Variants in MGAT4C observed in about 807,000 individuals in gnomAD.
MGAT4C encodes alpha-1,3-mannosyl-glycoprotein 4-beta-N-acetylglucosaminyltransferase C.
MGAT4C carries 19 observed loss-of-function variants against 40.1 expected under a neutral mutation model. The observed-to-expected ratio is 0.47, with a 90% CI of 0.33 to 0.70. The LOEUF is 0.70. Among genes scored for constraint, MGAT4C ranks in the 30% least tolerant of loss-of-function variants. The pLI, the probability that MGAT4C is intolerant of heterozygous loss-of-function variation, is 0.02. For synonymous variants in MGAT4C, 181 were observed against 187.1 expected, an observed-to-expected ratio of 0.97 and a Z score of 0.27; for missense variants, 491 against 563.2, an observed-to-expected ratio of 0.87 and a Z score of 1.30.
rs10709270 is a variant in MGAT4C, at chr12:86,146,833, C to CTT, written c.-56-97112_-56-97111dup. On this transcript the variant is annotated intron_variant, in intron 1 of 4. Transcript: ENST00000611864. Reference sequence around the variant, plus strand: ...TTGCTTTATACATTCTAATTCTCTCCTTTTTTTTTTTTCCAGATTATAACA... The same window carrying CTT: ...TTGCTTTATACATTCTAATTCTCTCCTTTTTTTTTTTTTTCCAGATTATAACA... Among the ~76,000 whole-genome samples, 148 of 150,430 alleles carry CTT rather than the reference C, an allele frequency of 9.8e-4. No homozygotes were observed. The Middle Eastern group carries it at 0.01, about 11-fold the overall frequency.
intron 4 of MGAT4C, among the ~76,000 whole-genome samples, chr12:86,303,903 C>G (rs749789298): frequency 3.3e-5 from 5 of 150,424 alleles, no homozygotes; most frequent in Admixed American, 3.3e-4. Flanking sequence ...GTCTGTGTGT[C>G]TCTTTCTCTC....
At chr12:86,120,550 G>A (rs143801755) in intron 1 of MGAT4C, among the ~76,000 whole-genome samples, 7,054 of 152,244 alleles carry the variant, frequency 0.046, 216 homozygotes, top group Middle Eastern at 0.085. Context: ...GCTTCCAGAG[G>A]AAGAATCAGG....
intron 2 of MGAT4C, among the ~76,000 whole-genome samples, chr12:86,504,077 C>G (rs1958426096): frequency 6.6e-6 from 1 of 151,600 alleles, no homozygotes; most frequent in Non-Finnish European, 1.5e-5. Context: ...AAAAAATGCT[C>G]AAATTCGATA....
intron 2 of MGAT4C, among the ~76,000 whole-genome samples, chr12:86,645,356 A>G (rs1250068571): frequency 1.3e-5 from 2 of 151,756 alleles, no homozygotes; most frequent in Admixed American, 1.3e-4. Context: ...GAATTTTAAT[A>G]CAAAATGATA....
intron 2 of MGAT4C, among the ~76,000 whole-genome samples, chr12:86,724,193 T>G (rs1250867946): frequency 2.0e-5 from 3 of 152,164 alleles, no homozygotes; most frequent in African/African-American, 7.2e-5. Context: ...TAATTATGGT[T>G]CAAAATAGTT....
At chr12:86,499,458 T>C (rs1958297925) in intron 2 of MGAT4C, among the ~76,000 whole-genome samples, 1 of 151,822 alleles carries the variant, frequency 6.6e-6, no homozygotes, top group Non-Finnish European at 1.5e-5. Flanking sequence ...TGTTTCAAAC[T>C]GGGTCTAAGT....
chr12:86,447,537 T>G lies in MGAT4C; in HGVS notation c.-228-12272A>C, dbSNP rs180912570. Among the ~76,000 whole-genome samples the G allele has an allele frequency of 3.0e-4, 45 of 152,284 alleles. 1 individual carries two copies. Among genetic ancestry groups the G allele is most frequent in the African/African-American group, 7.5e-4 (31 of 41,566 alleles). On this transcript the variant is annotated intron_variant, in intron 2 of 7. Coordinates refer to the MGAT4C transcript ENST00000548651. ...CACTAAATAAAATCTTTACCCTTCA[T>G]GAGTACCAGTTTTTTTTTAACTTTT...
chr12:86,326,101 C>T (rs973567331), intron 4 of MGAT4C, among the ~76,000 whole-genome samples: 3 of 151,898 alleles, frequency 2.0e-5, no homozygotes, highest in African/African-American at 7.2e-5. Flanking sequence ...TTTTATTTTA[C>T]ATAATATTAT....
chr12:85,988,089 T>C (rs952834293), intron 3 of MGAT4C, among the ~76,000 whole-genome samples: 1 of 152,176 alleles, frequency 6.6e-6, no homozygotes, highest in African/African-American at 2.4e-5. Flanking sequence ...CATTAGTATG[T>C]TTCTCCTATT....
At chr12:86,836,116 C>T (rs1953032527) in intron 1 of MGAT4C, among the ~76,000 whole-genome samples, 1 of 151,962 alleles carries the variant, frequency 6.6e-6, no homozygotes. Context: ...AACAAACTAG[C>T]TTAACGGATT....
intron 2 of MGAT4C, among the ~76,000 whole-genome samples, chr12:86,685,146 T>C (rs533285813): frequency 6.6e-6 from 1 of 152,334 alleles, no homozygotes; most frequent in Admixed American, 6.5e-5. Context: ...CTAGGTTTTC[T>C]TCTGTGGTTT....
intron 2 of MGAT4C, among the ~76,000 whole-genome samples, chr12:86,565,653 T>C (rs1960058590): frequency 6.6e-6 from 1 of 152,134 alleles, no homozygotes; most frequent in African/African-American, 2.4e-5. Context: ...GATTAGAGAA[T>C]TGGTGACAAA....
chr12:86,004,861 T>C (rs1386275750), intron 2 of MGAT4C, among the ~76,000 whole-genome samples: 4 of 152,202 alleles, frequency 2.6e-5, no homozygotes, highest in Non-Finnish European at 5.9e-5. Context: ...GCAATTTATG[T>C]AAACTGCTTA....
chr12:86,283,890 A>C (rs1953282184), intron 4 of MGAT4C, among the ~76,000 whole-genome samples: 1 of 152,122 alleles, frequency 6.6e-6, no homozygotes, highest in South Asian at 2.1e-4. Context: ...AAGCATGTTC[A>C]ACACTTTGTG....
At chr12:86,760,940 T>C (rs1951393910) in intron 1 of MGAT4C, among the ~76,000 whole-genome samples, 2 of 152,164 alleles carry the variant, frequency 1.3e-5, no homozygotes, top group African/African-American at 4.8e-5. Context: ...GTGGCAAGAT[T>C]TGTAGGAAGA....
intron 2 of MGAT4C, among the ~76,000 whole-genome samples, chr12:86,633,622 C>G (rs1963129638): frequency 1.3e-5 from 2 of 152,088 alleles, no homozygotes; most frequent in Non-Finnish European, 2.9e-5. Flanking sequence ...CCTAACATTT[C>G]AGCTTTGCAG....
intron 4 of MGAT4C, among the ~76,000 whole-genome samples, chr12:86,277,896 T>A (rs1566252778): frequency 3.3e-5 from 5 of 152,170 alleles, no homozygotes; most frequent in Admixed American, 2.6e-4. Context: ...TGGGGTTCCA[T>A]GTAAATTTTA....
chr12:86,046,854 A>G (rs1353669102), intron 2 of MGAT4C, among the ~76,000 whole-genome samples: 1 of 152,166 alleles, frequency 6.6e-6, no homozygotes, highest in African/African-American at 2.4e-5. Flanking sequence ...GCAGTCTTCT[A>G]TTGAGTTTTC....
At chr12:86,533,270 G>A (rs768538867) in intron 2 of MGAT4C, among the ~76,000 whole-genome samples, 8 of 152,030 alleles carry the variant, frequency 5.3e-5, no homozygotes, top group Non-Finnish European at 1.0e-4. Context: ...CAGTCTGGTA[G>A]TTCATCTAAT....
Sources: allele counts gnomAD v4.1 joint callset (sites outside exome capture counted in the v4.1 genomes callset), GRCh38; gene constraint gnomAD v4.1.1; transcripts MANE v1.5; gene names NCBI Gene and HGNC (gene_info 2026-07-23, HGNC 2026-07-21).